Variants in ESRP1 observed in about 807,000 individuals in gnomAD.
The protein encoded by ESRP1 is RNA-binding motif protein 35A.
In ESRP1, 33 loss-of-function variants were observed where a neutral mutation model predicts 81.7. That is an observed-to-expected ratio of 0.40 (90% CI 0.31 to 0.54). ESRP1 has a LOEUF of 0.54. Among genes scored for constraint, ESRP1 ranks in the 20% least tolerant of loss-of-function variants. The pLI is 0.41. For synonymous variants in ESRP1, 320 were observed against 303.3 expected (o/e 1.06, Z -0.57); for missense variants, 672 against 833.1 (o/e 0.81, Z 2.38).
intron 13 of ESRP1, among the ~76,000 whole-genome samples, chr8:94,682,933 T>TATTTA (rs1491122070): frequency 5.9e-5 from 1 of 16,974 alleles, no homozygotes; most frequent in East Asian, 1.8e-3. Context: ...TATATATATA[T>TATTTA]TTTTTTTTTT....
intron 10 of ESRP1, chr8:94,668,464 A>G (rs1004411594): frequency 2.5e-6 from 1 of 401,174 alleles, no homozygotes; most frequent in East Asian, 4.0e-5. Context: ...CAGAAATGGG[A>G]TACTGCTATA....
At chr8:94,681,910 G>T (rs2052720) in intron 13 of ESRP1, among the ~76,000 whole-genome samples, 51,998 of 152,092 alleles carry the variant, frequency 0.34, 9,528 homozygotes, top group East Asian at 0.56. Context: ...CTCCAGTCTG[G>T]GTGACAGAGC....
At chr8:94,664,856 T>C in intron 7 of ESRP1, 49 bp downstream of exon 7, 1 of 1,609,794 alleles carries the variant, frequency 6.2e-7, no homozygotes, top group African/African-American at 1.3e-5. Flanking sequence ...AAAGGGATAA[T>C]GGATTTTCTA....
intron 13 of ESRP1, among the ~76,000 whole-genome samples, chr8:94,691,267 A>T (rs1335953449): frequency 6.6e-6 from 1 of 152,144 alleles, no homozygotes; most frequent in East Asian, 1.9e-4. Context: ...AGAGTTGTTT[A>T]AAAAACAAAC....
chr8:94,685,087 C>T (rs1350135309), intron 13 of ESRP1, among the ~76,000 whole-genome samples: 1 of 151,366 alleles, frequency 6.6e-6, no homozygotes, highest in Non-Finnish European at 1.5e-5. Flanking sequence ...GTTATCAATA[C>T]TCTCATACTT....
At chr8:94,661,004 G>A (rs1818715719) in intron 4 of ESRP1, among the ~76,000 whole-genome samples, 1 of 151,984 alleles carries the variant, frequency 6.6e-6, no homozygotes, top group Admixed American at 6.6e-5. Context: ...ACTCACTGAG[G>A]GCTCAGATGA....
Position 94,692,731 on chromosome 8 carries a change from C to T in ESRP1, c.1875C>T (p.Ser625=), listed in dbSNP as rs369829287. The T allele has an allele frequency of 2.5e-5, 41 of 1,613,938 alleles. 1 individual carries two copies. In the Admixed American group the frequency reaches 2.8e-4, roughly 11 times the overall value. ...LGYFPTAANL[S]GVPPQPGTVV... is the part of the protein sequence containing the mutation. ...ACTTCCCTACAGCTGCTAATCTTAG[C>T]GGTGTCCCTCCACAGCCTGGCACGG... The change falls in exon 14 of 16, where the codon AGC becomes AGT. Residue 625 remains serine, a synonymous_variant. Transcript: ENST00000433389.
At chr8:94,699,817 GCATAA>G (rs1809748276) in intron 15 of ESRP1, among the ~76,000 whole-genome samples, 1 of 152,034 alleles carries the variant, frequency 6.6e-6, no homozygotes, top group Non-Finnish European at 1.5e-5. Context: ...CCAGAAACAA[GCATAA>G]TAAATACTTC....
chr8:94,702,053 G>T (rs567498136), intron 15 of ESRP1, among the ~76,000 whole-genome samples: 13 of 152,266 alleles, frequency 8.5e-5, no homozygotes, highest in African/African-American at 3.1e-4. Context: ...CCTCCAGCCT[G>T]GACGACAGAG....
chr8:94,648,652 G>A (rs1049055267), intron 4 of ESRP1, among the ~76,000 whole-genome samples: 2 of 152,238 alleles, frequency 1.3e-5, no homozygotes, highest in African/African-American at 4.8e-5. Flanking sequence ...TGGACAGAAG[G>A]TCATTTGCTC....
intron 15 of ESRP1, among the ~76,000 whole-genome samples, chr8:94,700,965 G>GGGTA (rs1809807907): frequency 6.9e-6 from 1 of 145,844 alleles, no homozygotes; most frequent in African/African-American, 2.6e-5. Context: ...GTGTGTGTGT[G>GGGTA]TGTGTGTGTG....
At chr8:94,669,610 A>T (rs1412716700) in intron 10 of ESRP1, among the ~76,000 whole-genome samples, 1 of 152,134 alleles carries the variant, frequency 6.6e-6, no homozygotes, top group African/African-American at 2.4e-5. Context: ...TCACGCCTGT[A>T]ATCCTAGCAC....
intron 15 of ESRP1, among the ~76,000 whole-genome samples, chr8:94,699,371 T>G (rs772005919): frequency 6.6e-6 from 1 of 152,186 alleles, no homozygotes; most frequent in East Asian, 1.9e-4. Flanking sequence ...CTAAGAGCAG[T>G]GGCTCATGCC....
intron 4 of ESRP1, among the ~76,000 whole-genome samples, chr8:94,647,713 C>T (rs1387487706): frequency 6.6e-6 from 1 of 152,286 alleles, no homozygotes; most frequent in Admixed American, 6.5e-5. Context: ...GTGGAGGACA[C>T]AATTCAGTTC....
Position 94,707,348 on chromosome 8 carries a change from ATGCCCAAAGC to A in ESRP1, c.*1471_*1480del, listed in dbSNP as rs1249645765. ...ATTTCTGTATACTTGATGCCTTAAG[ATGCCCAAAGC>A]TGCCCAAAGCTCTGAAAGACTTTAA... On this transcript the variant is annotated 3_prime_UTR_variant, in exon 16 of 16. Transcript: ENST00000433389. The A allele has an allele frequency of 6.6e-5, 10 of 152,326 alleles. No homozygotes were observed. The highest frequency in any genetic ancestry group is 2.1e-4 in the South Asian group (1 of 4,832). The allele number at this position is 152,326 out of a possible 1,614,324, so 9.4% of individuals were successfully genotyped here.
intron 13 of ESRP1, among the ~76,000 whole-genome samples, chr8:94,685,122 A>C (rs1809086985): frequency 6.6e-6 from 1 of 152,010 alleles, no homozygotes; most frequent in African/African-American, 2.4e-5. Context: ...TTTAGAAATC[A>C]CCTGATAATA....
rs869078492 is a variant in ESRP1, at chr8:94,682,932, A to ATTTTTT, written c.1820+4585_1820+4590dup. 1.1e-3 allele frequency among the ~76,000 whole-genome samples: 20 copies of ATTTTTT among 18,092 alleles called. 5 individuals are homozygous for ATTTTTT. Among genetic ancestry groups the ATTTTTT allele is most frequent in the African/African-American group, 1.4e-3 (4 of 2,902 alleles). 11.9% of individuals were successfully genotyped at this position (18,092 alleles called of 152,430 possible). ...TATATATATATATATATATATATAT[A>ATTTTTT]TTTTTTTTTTTTTTTTTTTTTTTTT... On this transcript the variant is annotated intron_variant, in intron 13 of 15. Coordinates refer to ENST00000433389, the MANE Select transcript of ESRP1 (RefSeq NM_017697.4).
At chr8:94,673,804 C>A (rs1383771495) in intron 11 of ESRP1, among the ~76,000 whole-genome samples, 1 of 152,058 alleles carries the variant, frequency 6.6e-6, no homozygotes, top group African/African-American at 2.4e-5. Context: ...ACCTAGGTCT[C>A]AGGGATGAGG....
chr8:94,694,318 G>A (rs746641839), intron 14 of ESRP1, among the ~76,000 whole-genome samples: 3 of 152,296 alleles, frequency 2.0e-5, no homozygotes, highest in Admixed American at 1.3e-4. Flanking sequence ...TTATTATTAA[G>A]AGTGTTGGCC....
Sources: allele counts gnomAD v4.1 joint callset (sites outside exome capture counted in the v4.1 genomes callset), GRCh38; gene constraint gnomAD v4.1.1; transcripts MANE v1.5; gene names NCBI Gene and HGNC (gene_info 2026-07-23, HGNC 2026-07-21).